SERBP1: variants seen among roughly 807,000 people sequenced by gnomAD.
The protein encoded by SERBP1 is SERPINE1 mRNA binding protein 1.
A neutral mutation model predicts 50.2 loss-of-function variants in SERBP1; 6 were observed. The ratio of observed to expected loss-of-function variants is 0.12; its 90% CI spans 0.07 to 0.24. The LOEUF is 0.24. Ranked by LOEUF, SERBP1 falls within the 10% of genes least tolerant of loss-of-function variation. The pLI, the probability that SERBP1 is intolerant of heterozygous loss-of-function variation, is 1.00. For missense variants in SERBP1, 346 were observed against 524.9 expected, an observed-to-expected ratio of 0.66 and a Z score of 3.33; for synonymous variants, 168 against 182.8, an observed-to-expected ratio of 0.92 and a Z score of 0.65.
rs1666754721 is a variant in SERBP1 at position 67,409,420 on chromosome 1, CCCCCACACACA to C, written c.*3776_*3786del. 3.8e-5 allele frequency: 4 copies of C among 104,640 alleles called. No homozygotes were observed. The highest frequency in any genetic ancestry group is 1.9e-4 in the African/African-American group (4 of 21,192). 6.5% of individuals were successfully genotyped at this position (104,640 alleles called of 1,614,324 possible). ...ACACACACACACACACACACACACA[CCCCCACACACA>C]CCAGGTCACAGGCTGAACTTTGCTG... On this transcript the variant is annotated 3_prime_UTR_variant, in exon 8 of 8. Coordinates refer to ENST00000361219, the MANE Select transcript of SERBP1 (RefSeq NM_001018069.2).
Position 67,430,350 on chromosome 1 carries a change from G to A in SERBP1, c.-50C>T, listed in dbSNP as rs764923535. 26 of 1,478,406 alleles carry A rather than the reference G, an allele frequency of 1.8e-5. No individual in the cohort carries two copies. Among genetic ancestry groups the A allele is most frequent in the South Asian group, 1.4e-4 (10 of 72,520 alleles). The allele number at this position is 1,478,406 out of a possible 1,614,324, so 91.6% of individuals were successfully genotyped here. A position where few individuals can be genotyped will look rare whatever the true frequency, so the allele number is the denominator to read the frequency against. ...TCCACGGATTGCAGCGGGCCGCGCC[G>A]AGCCAAGAGCGCCTGCTTCAGCTCT... On this transcript the variant is annotated 5_prime_UTR_variant, in exon 1 of 8. Coordinates refer to ENST00000361219, the MANE Select transcript of SERBP1 (RefSeq NM_001018069.2).
At chr1:67,413,374 C>T (rs1014705297) in intron 7 of SERBP1, 111 bp from the exon 8 acceptor site, 1 of 933,612 alleles carries the variant, frequency 1.1e-6, no homozygotes, top group South Asian at 1.9e-5. Flanking sequence ...GTTGGCCAGG[C>T]ACAGTGGCTC....
intron 6 of SERBP1, among the ~76,000 whole-genome samples, chr1:67,419,558 T>C (rs1557503408): frequency 6.6e-6 from 1 of 152,200 alleles, no homozygotes; most frequent in South Asian, 2.1e-4. Flanking sequence ...ATATATGGTA[T>C]AGGCAGACAG....
chr1:67,430,307 G>T lies in SERBP1; in HGVS notation c.-7C>A. ...CCTGTAAGTGCCCAGGCATGATGGT[G>T]GCTCGGCGGCGCGTTCCTCCACGGA... On this transcript the variant is annotated 5_prime_UTR_variant, in exon 1 of 8. Coordinates refer to ENST00000361219, the MANE Select transcript of SERBP1 (RefSeq NM_001018069.2). The T allele has an allele frequency of 2.7e-6, 4 of 1,488,500 alleles. No individual in the cohort carries two copies. Among genetic ancestry groups the T allele is most frequent in the Non-Finnish European group, 3.6e-6 (4 of 1,120,314 alleles). 92.2% of individuals were successfully genotyped at this position (1,488,500 alleles called of 1,614,324 possible).
chr1:67,414,635 A>G (rs766825188), intron 7 of SERBP1, among the ~76,000 whole-genome samples: 35 of 152,254 alleles, frequency 2.3e-4, no homozygotes, highest in Non-Finnish European at 4.1e-4. Context: ...GAGAGATTAT[A>G]GAAAGTAAGC....
rs1359402508 is a variant in SERBP1 at position 67,413,099 on chromosome 1, T to C, written c.*108A>G. ...AGTCTTTAGGTGTGAATGGTATGAA[T>C]GACAGTCTTTTTTTTTTTAATTTCT... On this transcript the variant is annotated 3_prime_UTR_variant, in exon 8 of 8. Coordinates refer to ENST00000361219, the MANE Select transcript of SERBP1 (RefSeq NM_001018069.2). 2.2e-5 allele frequency: 30 copies of C among 1,350,322 alleles called. No homozygotes were observed. Among genetic ancestry groups the C allele is most frequent in the Admixed American group, 1.0e-4 (3 of 30,004 alleles). The allele number at this position is 1,350,322 out of a possible 1,614,324, so 83.6% of individuals were successfully genotyped here.
At chr1:67,429,800 C>G (rs775736026) in intron 1 of SERBP1, 188 bp downstream of exon 1, 28 of 625,284 alleles carry the variant, frequency 4.5e-5, no homozygotes, top group Non-Finnish European at 6.7e-5. Flanking sequence ...CCGGCGGTGG[C>G]TTGAACTTGG....
At position 67,414,396 on chromosome 1, in the gene SERBP1, A is replaced by C. The variant is rs557634406; in HGVS notation, c.1125+770T>G. Among the ~76,000 whole-genome samples, 10 of 152,346 alleles carry C rather than the reference A, an allele frequency of 6.6e-5. No homozygotes were observed. The South Asian group carries it at 1.9e-3, about 28-fold the overall frequency. ...AAAAAAGGTTGGTCTTAGAGGGAGGAACAAAGTATCATTACACTGGCAATG... is the reference window on the plus strand; with the variant it reads ...AAAAAAGGTTGGTCTTAGAGGGAGGCACAAAGTATCATTACACTGGCAATG... On this transcript the variant is annotated intron_variant, in intron 7 of 7. Coordinates refer to ENST00000361219, the MANE Select transcript of SERBP1 (RefSeq NM_001018069.2).
chr1:67,425,898 T>G (rs1296770434), intron 2 of SERBP1, among the ~76,000 whole-genome samples: 2 of 152,200 alleles, frequency 1.3e-5, no homozygotes, highest in Non-Finnish European at 2.9e-5. Flanking sequence ...GGAGGACAGC[T>G]TGAGCACAGG....
In SERBP1 at chr1:67,408,251, C is replaced by G. The variant is rs147615002; in HGVS notation, c.*4956G>C. Reference sequence around the variant, plus strand: ...AGATTTCTAAAAGTCCATAATGAATCAGAACTCAGATACAAAGTTACCACC... The same window carrying G: ...AGATTTCTAAAAGTCCATAATGAATGAGAACTCAGATACAAAGTTACCACC... On this transcript the variant is annotated 3_prime_UTR_variant, in exon 8 of 8. Coordinates refer to ENST00000361219, the MANE Select transcript of SERBP1 (RefSeq NM_001018069.2). 55 of 152,208 alleles carry G rather than the reference C, an allele frequency of 3.6e-4. No individual in the cohort carries two copies. The highest frequency in any genetic ancestry group is 1.3e-3 in the African/African-American group (53 of 41,526). 9.4% of individuals were successfully genotyped at this position (152,208 alleles called of 1,614,324 possible).
intron 5 of SERBP1, 23 bp downstream of exon 5, chr1:67,424,177 C>CTATTA (rs747625105): frequency 4.4e-6 from 7 of 1,596,458 alleles, no homozygotes; most frequent in Non-Finnish European, 5.1e-6. Context: ...TGGGTCATTA[C>CTATTA]TATTACACGC....
chr1:67,429,295 C>A (rs1036167469), intron 1 of SERBP1: 1 of 152,246 alleles, frequency 6.6e-6, no homozygotes, highest in Admixed American at 6.5e-5. Context: ...AGTCTTCATT[C>A]ATAATTCCCG....
chr1:67,415,478 G>A lies in SERBP1; in HGVS notation c.952-139C>T, dbSNP rs1666975065. The A allele has an allele frequency of 1.8e-5, 14 of 762,184 alleles. No individual in the cohort carries two copies. In the South Asian group the frequency reaches 3.2e-4, roughly 18 times the overall value. The allele number at this position is 762,184 out of a possible 1,614,324, so 47.2% of individuals were successfully genotyped here. A position where few individuals can be genotyped will look rare whatever the true frequency, so the allele number is the denominator to read the frequency against. On this transcript the variant is annotated intron_variant, in intron 6 of 7. Coordinates refer to ENST00000361219, the MANE Select transcript of SERBP1 (RefSeq NM_001018069.2). The stretch of plus-strand genomic sequence containing the variant: ...GAACAAATGTCTCAATGCCTCCACA[G>A]GTAACAAGCTAGGGCTCAGCTTTAG...
At position 67,411,773 on chromosome 1, in the gene SERBP1, A is replaced by C. The variant is rs1666852067; in HGVS notation, c.*1434T>G. 10 of 152,232 alleles carry C rather than the reference A, an allele frequency of 6.6e-5. No homozygotes were observed. Among genetic ancestry groups the C allele is most frequent in the Admixed American group, 6.5e-4 (10 of 15,288 alleles). The allele number at this position is 152,232 out of a possible 1,614,324, so 9.4% of individuals were successfully genotyped here. On this transcript the variant is annotated 3_prime_UTR_variant, in exon 8 of 8. Coordinates refer to ENST00000361219, the MANE Select transcript of SERBP1 (RefSeq NM_001018069.2). ...CCATATACAGGTAGAACATTTCTAA[A>C]AATGACGTGACAAACAATTCTTAAA... is the stretch of plus-strand genomic sequence containing the variant.
Position 67,424,189 on chromosome 1 carries a change from A to C in SERBP1, c.773+11T>G, listed in dbSNP as rs779211005. 1 of 1,606,608 alleles carries C rather than the reference A, an allele frequency of 6.2e-7. No individual in the cohort carries two copies. On this transcript the variant is annotated intron_variant, in intron 5 of 7. Transcript: ENST00000361219. ...TTCTGGGTCATTACTATTACACGCAATACCACTTACTTATTTTCAGTGTCT... is the reference window on the plus strand; with the variant it reads ...TTCTGGGTCATTACTATTACACGCACTACCACTTACTTATTTTCAGTGTCT...
At chr1:67,423,543 G>A (rs933765317) in intron 5 of SERBP1, among the ~76,000 whole-genome samples, 1 of 151,512 alleles carries the variant, frequency 6.6e-6, no homozygotes, top group Non-Finnish European at 1.5e-5. Flanking sequence ...GGAGGCGGAG[G>A]GTGCAGTGAG....
chr1:67,409,891 A>G lies in SERBP1; in HGVS notation c.*3316T>C, dbSNP rs1465310973. 6.6e-6 allele frequency: 1 copy of G among 152,240 alleles called. No homozygotes were observed. The allele number at this position is 152,240 out of a possible 1,614,324, so 9.4% of individuals were successfully genotyped here. A position where few individuals can be genotyped will look rare whatever the true frequency, so the allele number is the denominator to read the frequency against. On this transcript the variant is annotated 3_prime_UTR_variant, in exon 8 of 8. Coordinates refer to ENST00000361219, the MANE Select transcript of SERBP1 (RefSeq NM_001018069.2). Reference sequence around the variant, plus strand: ...TTACCAGTTATGCCATACAAAGCACAGTAAATAATGAAGTTTCTGGGCTTT... The same window carrying G: ...TTACCAGTTATGCCATACAAAGCACGGTAAATAATGAAGTTTCTGGGCTTT...
At chr1:67,415,042 C>G (rs537742367) in intron 7 of SERBP1, 124 bp downstream of exon 7, 3 of 1,030,112 alleles carry the variant, frequency 2.9e-6, no homozygotes, top group African/African-American at 3.3e-5. Flanking sequence ...ACCTAACATG[C>G]GGTTTCTTAA....
intron 7 of SERBP1, among the ~76,000 whole-genome samples, chr1:67,414,942 G>A (rs1039267433): frequency 6.6e-6 from 1 of 152,172 alleles, no homozygotes; most frequent in Non-Finnish European, 1.5e-5. Flanking sequence ...CACCATGACC[G>A]GCACCTAGAA....
Sources: gnomAD v4.1 joint callset for allele counts (sites outside exome capture counted in the v4.1 genomes callset) on GRCh38, gnomAD v4.1.1 for gene constraint, MANE v1.5 for transcripts, NCBI Gene and HGNC (gene_info 2026-07-23, HGNC 2026-07-21) for gene names.